Variants in FAM53A observed in about 807,000 individuals in gnomAD.
FAM53A encodes protein FAM53A.
A neutral mutation model predicts 26.6 loss-of-function variants in FAM53A; 28 were observed. That is an observed-to-expected ratio of 1.05 (90% CI 0.78 to 1.45). The LOEUF (loss-of-function observed/expected upper bound fraction) is 1.45, where lower values mean the gene tolerates loss of function less well. Among genes scored for constraint, FAM53A ranks in the 40% most tolerant of loss-of-function variants. The pLI, the probability that FAM53A is intolerant of heterozygous loss-of-function variation, is 0.00. For synonymous variants in FAM53A, 290 were observed against 253.1 expected (o/e 1.15, Z -1.38); for missense variants, 650 against 575.8 (o/e 1.13, Z -1.32).
chr4:1,662,344 T>C (rs1713895400), intron 2 of FAM53A, among the ~76,000 whole-genome samples: 2 of 151,936 alleles, frequency 1.3e-5, no homozygotes, highest in South Asian at 4.2e-4. Flanking sequence ...CCGGGCGTGA[T>C]GGTGGATGCC....
At chr4:1,622,528 T>C (rs1320960150) in intron 1 of FAM53A, among the ~76,000 whole-genome samples, 1 of 152,192 alleles carries the variant, frequency 6.6e-6, no homozygotes, top group Non-Finnish European at 1.5e-5. Flanking sequence ...CCCTGCCCTG[T>C]GACTGGCAGT....
chr4:1,578,791 G>C, the FAM53A span, among the ~76,000 whole-genome samples: 1 of 107,830 alleles, frequency 9.3e-6, no homozygotes, highest in African/African-American at 3.4e-5. Flanking sequence ...AGAAGAGGGG[G>C]AGAGGAGAGA....
chr4:1,641,436 G>A lies in FAM53A; in HGVS notation c.1054C>T (p.Leu352=), dbSNP rs147613570. The A allele has an allele frequency of 1.2e-6, 2 of 1,613,500 alleles. No homozygotes were observed. The highest frequency in any genetic ancestry group is 1.1e-5 in the South Asian group (1 of 91,058). Residue 352 remains leucine (L), a synonymous_variant, in exon 5 of 5, where the codon CTG becomes TTG. Transcript: ENST00000308132. The stretch of plus-strand genomic sequence containing the variant: ...GTCACCGACTCCCTAGAGGCCCACA[G>A]GTTGGGGTGGACAGGGCTGGTCCTG... ...GLRTSPVHPN[L]WASRESVTSD...
the FAM53A span, among the ~76,000 whole-genome samples, chr4:1,584,504 T>G: frequency 6.6e-6 from 1 of 152,244 alleles, no homozygotes; most frequent in Non-Finnish European, 1.5e-5. Flanking sequence ...CTCACATTTT[T>G]GAGCATGAGT....
At chr4:1,611,597 C>T in the FAM53A span, among the ~76,000 whole-genome samples, 1 of 152,250 alleles carries the variant, frequency 6.6e-6, no homozygotes, top group Non-Finnish European at 1.5e-5. Context: ...AGGCAGGTAC[C>T]AAGGCCTGGG....
At chr4:1,611,062 C>T in the FAM53A span, among the ~76,000 whole-genome samples, 1 of 152,226 alleles carries the variant, frequency 6.6e-6, no homozygotes, top group African/African-American at 2.4e-5. Flanking sequence ...CCGGCAGATC[C>T]TCAGGGCCCT....
In FAM53A at chr4:1,654,971, G is replaced by C; in HGVS notation, c.882+7C>G. The C allele has an allele frequency of 6.6e-7, 1 of 1,507,574 alleles. No individual in the cohort carries two copies. The highest frequency in any genetic ancestry group is 1.3e-5 in the South Asian group (1 of 74,774). 93.4% of individuals were successfully genotyped at this position (1,507,574 alleles called of 1,614,324 possible). A position where few individuals can be genotyped will look rare whatever the true frequency, so the allele number is the denominator to read the frequency against. On this transcript the variant is annotated splice_region_variant and intron_variant, in intron 4 of 4. Transcript: ENST00000308132. ...CCTCTGAGCCCCTGGAAATAAGAAA[G>C]CCTCACCTGGGTCATTTTCAGGAAG... is the stretch of plus-strand genomic sequence containing the variant.
At chr4:1,662,089 GA>G (rs1713874238) in intron 2 of FAM53A, among the ~76,000 whole-genome samples, 1 of 152,102 alleles carries the variant, frequency 6.6e-6, no homozygotes, top group African/African-American at 2.4e-5. Context: ...TGCATTTTGG[GA>G]GGCTGAGGCG....
intron 1 of FAM53A, among the ~76,000 whole-genome samples, chr4:1,632,856 G>A (rs561504707): frequency 2.6e-5 from 4 of 152,310 alleles, no homozygotes; most frequent in Admixed American, 6.5e-5. Flanking sequence ...ACAGTTACAC[G>A]TGCACACACA....
rs3752741 is a variant in FAM53A, at chr4:1,640,878, T to C, written c.*415A>G. On this transcript the variant is annotated 3_prime_UTR_variant, in exon 5 of 5. Transcript: ENST00000308132. ...CTCACAGGAAACCTACTCTGTGCCCTGGGGCAGGTGCAGGCAGCAGCCATG... is the reference window on the plus strand; with the variant it reads ...CTCACAGGAAACCTACTCTGTGCCCCGGGGCAGGTGCAGGCAGCAGCCATG... 0.25 allele frequency: 78,559 copies of C among 309,836 alleles called. 10,948 individuals are homozygous for C. Among genetic ancestry groups the C allele is most frequent in the Admixed American group, 0.37 (7,087 of 19,250 alleles). 19.2% of individuals were successfully genotyped at this position (309,836 alleles called of 1,614,324 possible).
chr4:1,676,706 G>A (rs192217454), intron 1 of FAM53A, among the ~76,000 whole-genome samples: 184 of 152,130 alleles, frequency 1.2e-3, no homozygotes, highest in Non-Finnish European at 9.6e-4. Flanking sequence ...GTGCCGCAGC[G>A]CGCCCCTCTG....
At chr4:1,632,159 A>G (rs1715635019) in intron 1 of FAM53A, among the ~76,000 whole-genome samples, 1 of 118,506 alleles carries the variant, frequency 8.4e-6, no homozygotes, top group Non-Finnish European at 1.8e-5. Flanking sequence ...GTAAGATTCC[A>G]TCTCAAAAAA....
chr4:1,637,837 G>A (rs189970274), downstream of FAM53A, among the ~76,000 whole-genome samples: 70 of 152,196 alleles, frequency 4.6e-4, no homozygotes, highest in East Asian at 0.01. Context: ...GATCCCACAC[G>A]GGCTGACCGC....
the FAM53A span, among the ~76,000 whole-genome samples, chr4:1,600,930 G>A: frequency 2.0e-5 from 3 of 152,194 alleles, no homozygotes; most frequent in Admixed American, 6.5e-5. Context: ...TAGGCTCGAC[G>A]TCTGGGACAT....
intron 2 of FAM53A, among the ~76,000 whole-genome samples, chr4:1,664,038 A>G (rs1714047883): frequency 6.6e-6 from 1 of 152,162 alleles, no homozygotes; most frequent in Non-Finnish European, 1.5e-5. Flanking sequence ...TCCTCAACAC[A>G]CAAGCTCCAA....
chr4:1,681,798 T>C (rs986099747), intron 1 of FAM53A, among the ~76,000 whole-genome samples: 1 of 152,116 alleles, frequency 6.6e-6, no homozygotes, highest in African/African-American at 2.4e-5. Context: ...CCACCAAGCC[T>C]GGCCAAGAAA....
intron 1 of FAM53A, among the ~76,000 whole-genome samples, chr4:1,671,728 G>C (rs1423932867): frequency 6.6e-6 from 1 of 152,244 alleles, no homozygotes; most frequent in Non-Finnish European, 1.5e-5. Context: ...CAAGGTGAGG[G>C]GCCAGCTCCC....
At chr4:1,679,684 T>TA (rs35096985) in intron 1 of FAM53A, among the ~76,000 whole-genome samples, 2,888 of 112,456 alleles carry the variant, frequency 0.026, 135 homozygotes, top group African/African-American at 0.09. Flanking sequence ...GAAACTCCAT[T>TA]AAAAAAAAAA....
the FAM53A span, among the ~76,000 whole-genome samples, chr4:1,593,317 C>T: frequency 6.6e-6 from 1 of 152,076 alleles, no homozygotes; most frequent in African/African-American, 2.4e-5. Context: ...GTGCGCTCAG[C>T]CCAGGCCAGG....
Sources: gnomAD v4.1 joint callset for allele counts (sites outside exome capture counted in the v4.1 genomes callset) on GRCh38, gnomAD v4.1.1 for gene constraint, MANE v1.5 for transcripts, NCBI Gene and HGNC (gene_info 2026-07-23, HGNC 2026-07-21) for gene names.